Variants in PTPRZ1 observed in about 807,000 individuals in gnomAD.
PTPRZ1 encodes the protein receptor-type tyrosine-protein phosphatase zeta.
PTPRZ1 carries 82 observed loss-of-function variants against 214.1 expected under a neutral mutation model. The ratio of observed to expected loss-of-function variants is 0.38; its 90% CI spans 0.32 to 0.46. PTPRZ1 has a LOEUF of 0.46. Ranked by LOEUF, PTPRZ1 falls within the 20% of genes least tolerant of loss-of-function variation. The pLI is 1.00. For synonymous variants in PTPRZ1, 945 were observed against 987.9 expected, an observed-to-expected ratio of 0.96 and a Z score of 0.81; for missense variants, 2,603 against 2,748.7, an observed-to-expected ratio of 0.95 and a Z score of 1.19.
chr7:121,923,444 T>TAGAAA (rs1260353757), intron 1 of PTPRZ1, among the ~76,000 whole-genome samples: 2 of 152,190 alleles, frequency 1.3e-5, no homozygotes, highest in Admixed American at 6.5e-5. Flanking sequence ...GTTATTTTTC[T>TAGAAA]TAGGAGCACT....
chr7:121,994,544 A>G (rs577875554), intron 8 of PTPRZ1, among the ~76,000 whole-genome samples: 1 of 152,288 alleles, frequency 6.6e-6, no homozygotes, highest in Admixed American at 6.5e-5. Flanking sequence ...CTTGAAGTGT[A>G]TAGTTCACTT....
chr7:122,058,177 T>A (rs562633437), intron 27 of PTPRZ1, among the ~76,000 whole-genome samples: 55 of 152,016 alleles, frequency 3.6e-4, no homozygotes, highest in African/African-American at 1.3e-3. Context: ...CCTTTGCACT[T>A]TTATGTAAAA....
intron 13 of PTPRZ1, among the ~76,000 whole-genome samples, chr7:122,022,923 C>T (rs925652598): frequency 6.6e-5 from 10 of 152,222 alleles, no homozygotes; most frequent in South Asian, 2.1e-4. Flanking sequence ...CTTATGTTTA[C>T]GATCAGTGGA....
chr7:122,033,163 TG>T (rs1259070254), intron 15 of PTPRZ1, among the ~76,000 whole-genome samples: 1 of 152,142 alleles, frequency 6.6e-6, no homozygotes, highest in African/African-American at 2.4e-5. Flanking sequence ...TTTAACTCAC[TG>T]CCTGATTCAA....
In PTPRZ1 at chr7:122,012,659, G is replaced by A; in HGVS notation, c.3613G>A (p.Asp1205Asn). 6.2e-7 allele frequency: 1 copy of A among 1,613,530 alleles called. No homozygotes were observed. Among genetic ancestry groups the A allele is most frequent in the Non-Finnish European group, 8.5e-7 (1 of 1,179,606 alleles). The change falls in exon 12 of 30, where the codon GAT (aspartate) becomes AAT (asparagine). Residue 1205 changes from aspartate (D) to asparagine (N), a missense_variant. By Grantham distance (23) the Asp-to-Asn change is conservative. Coordinates refer to ENST00000393386, the MANE Select transcript of PTPRZ1 (RefSeq NM_002851.3). Reference sequence around the variant, plus strand: ...AACTGTTCTTCCAGCTGTGCCCAGTGATCCAATATTGGTTGAAACCCCCAA... The same window carrying A: ...AACTGTTCTTCCAGCTGTGCCCAGTAATCCAATATTGGTTGAAACCCCCAA... ...LKTVLPAVPSDPILVETPKVD... is the reference protein window; with the variant it reads ...LKTVLPAVPSNPILVETPKVD...
intron 1 of PTPRZ1, among the ~76,000 whole-genome samples, chr7:121,884,380 A>T (rs530349607): frequency 6.6e-6 from 1 of 152,332 alleles, no homozygotes; most frequent in East Asian, 1.9e-4. Context: ...ACACAAATGC[A>T]CGTGTATATT....
rs543718928 is a variant in PTPRZ1 at position 121,968,996 on chromosome 7, G to A, written c.304+866G>A. On this transcript the variant is annotated intron_variant, in intron 3 of 29. Coordinates refer to ENST00000393386, the MANE Select transcript of PTPRZ1 (RefSeq NM_002851.3). Reference sequence around the variant, plus strand: ...CTCACGCCTGTGATCCCAGCACTTCGGGAGGCCGAAGTGGCTGGATCACTT... The same window carrying A: ...CTCACGCCTGTGATCCCAGCACTTCAGGAGGCCGAAGTGGCTGGATCACTT... Among the ~76,000 whole-genome samples, 4 of 152,282 alleles carry A rather than the reference G, an allele frequency of 2.6e-5. No homozygotes were observed. The East Asian group carries it at 5.8e-4, about 22-fold the overall frequency.
chr7:122,056,193 A>G (rs1437147570), intron 27 of PTPRZ1, among the ~76,000 whole-genome samples: 1 of 151,836 alleles, frequency 6.6e-6, no homozygotes. Flanking sequence ...AAGAAAGCCT[A>G]TTACAAGAGT....
chr7:122,027,731 C>T (rs1297461680), intron 13 of PTPRZ1, among the ~76,000 whole-genome samples: 1 of 152,014 alleles, frequency 6.6e-6, no homozygotes, highest in South Asian at 2.1e-4. Context: ...TTGCTCTTGT[C>T]GATAGTTTGT....
Position 122,028,543 on chromosome 7 carries a change from T to C in PTPRZ1, c.4989-9T>C, listed in dbSNP as rs1000378236. Reference sequence around the variant, plus strand: ...ACTAGTAGTATAAATTGTGTTCTTTTATTTCCAGGAAATGCTTCCAGACTG... The same window carrying C: ...ACTAGTAGTATAAATTGTGTTCTTTCATTTCCAGGAAATGCTTCCAGACTG... On this transcript the variant is annotated splice_polypyrimidine_tract_variant and intron_variant, in intron 13 of 29. Coordinates refer to ENST00000393386, the MANE Select transcript of PTPRZ1 (RefSeq NM_002851.3). 1.3e-6 allele frequency: 2 copies of C among 1,523,126 alleles called. No individual in the cohort carries two copies. The highest frequency in any genetic ancestry group is 9.1e-7 in the Non-Finnish European group (1 of 1,098,930). 94.4% of individuals were successfully genotyped at this position (1,523,126 alleles called of 1,614,324 possible). A position where few individuals can be genotyped will look rare whatever the true frequency, so the allele number is the denominator to read the frequency against.
In PTPRZ1 at chr7:121,986,530, A is replaced by T. The variant is rs62472860; in HGVS notation, c.928+2413A>T. On this transcript the variant is annotated intron_variant, in intron 8 of 29. Coordinates refer to ENST00000393386, the MANE Select transcript of PTPRZ1 (RefSeq NM_002851.3). ...TTAACTACTTGGTGTTTTGGGTTCT[A>T]GAAATACATGATAGGACCTATAAAG... Among the ~76,000 whole-genome samples the T allele has an allele frequency of 5.8e-3, 880 of 152,352 alleles. 5 individuals carry two copies. The highest frequency in any genetic ancestry group is 9.5e-3 in the Admixed American group (146 of 15,306).
In PTPRZ1 at chr7:122,012,954, C is replaced by A; in HGVS notation, c.3908C>A (p.Ala1303Asp). ...FQTANLEINQ[A>D]HPPKGRHVFA... ...ACGGCCAATTTGGAGATTAACCAGG[C>A]CCATCCCCCAAAAGGAAGGCATGTA... The change falls in exon 12 of 30, where the codon GCC becomes GAC. Residue 1303 changes from alanine to aspartate, a missense_variant. Transcript: ENST00000393386. The A allele has an allele frequency of 6.2e-7, 1 of 1,613,960 alleles. No individual in the cohort carries two copies. The highest frequency in any genetic ancestry group is 8.5e-7 in the Non-Finnish European group (1 of 1,179,886).
chr7:122,054,698 TATC>T (rs1322109862), intron 26 of PTPRZ1, among the ~76,000 whole-genome samples: 2 of 152,094 alleles, frequency 1.3e-5, no homozygotes, highest in Non-Finnish European at 2.9e-5. Flanking sequence ...GCAATAAGCT[TATC>T]ATTGTTGATA....
chr7:122,013,746 A>T lies in PTPRZ1; in HGVS notation c.4700A>T (p.Asp1567Val). ...CTTAATGAGAATGAGACTTCCACAG[A>T]TTTCAGTTTTGCAGACACTAATGAA... is the stretch of plus-strand genomic sequence containing the variant. ...DSLNENETST[D>V]FSFADTNEKD... The change falls in exon 12 of 30, where the codon GAT becomes GTT. Residue 1567 changes from aspartate (D) to valine (V), a missense_variant. Physicochemically the swap from Asp to Val is radical, Grantham distance 152. Coordinates refer to ENST00000393386, the MANE Select transcript of PTPRZ1 (RefSeq NM_002851.3). 1.9e-6 allele frequency: 3 copies of T among 1,614,192 alleles called. No homozygotes were observed. Among genetic ancestry groups the T allele is most frequent in the Non-Finnish European group, 2.5e-6 (3 of 1,180,030 alleles).
At chr7:122,000,663 A>ATC (rs1184753398) in intron 10 of PTPRZ1, among the ~76,000 whole-genome samples, 1 of 29,634 alleles carries the variant, frequency 3.4e-5, no homozygotes, top group African/African-American at 1.1e-4. Context: ...ATATATATAT[A>ATC]TATATATATA....
At chr7:121,968,226 A>G (rs1300891727) in intron 3 of PTPRZ1, 96 bp downstream of exon 3, 18 of 1,064,352 alleles carry the variant, frequency 1.7e-5, no homozygotes, top group East Asian at 8.2e-5. Context: ...ATAGTGTACT[A>G]TGAACTAGAT....
intron 1 of PTPRZ1, among the ~76,000 whole-genome samples, chr7:121,893,248 CA>C (rs1322899313): frequency 6.6e-6 from 1 of 152,002 alleles, no homozygotes; most frequent in Non-Finnish European, 1.5e-5. Context: ...ATTGCATGCC[CA>C]AAAAAACCCC....
At chr7:121,930,912 T>G (rs1215113076) in intron 2 of PTPRZ1, among the ~76,000 whole-genome samples, 1 of 152,054 alleles carries the variant, frequency 6.6e-6, no homozygotes, top group Admixed American at 6.6e-5. Context: ...ATGCTTAGAG[T>G]GCATCCCTAA....
chr7:121,996,187 C>T lies in PTPRZ1; in HGVS notation c.929-195C>T, dbSNP rs867512581. Among the ~76,000 whole-genome samples, 5 of 151,980 alleles carry T rather than the reference C, an allele frequency of 3.3e-5. No homozygotes were observed. The South Asian group carries it at 8.3e-4, about 25-fold the overall frequency. On this transcript the variant is annotated intron_variant, in intron 8 of 29. Coordinates refer to ENST00000393386, the MANE Select transcript of PTPRZ1 (RefSeq NM_002851.3). ...CCAGAATGGAAAGCTGGGATTTGAA[C>T]AGATAGAGTTAAGAGGGGTGGAAAG...
Sources: allele counts gnomAD v4.1 joint callset (sites outside exome capture counted in the v4.1 genomes callset), GRCh38; gene constraint gnomAD v4.1.1; transcripts MANE v1.5; gene names NCBI Gene and HGNC (gene_info 2026-07-23, HGNC 2026-07-21).